Variants in SYT16 observed in about 807,000 individuals in gnomAD.
SYT16 encodes synaptotagmin-16.
In SYT16, 42 loss-of-function variants were observed where a neutral mutation model predicts 61.4. The ratio of observed to expected loss-of-function variants is 0.68; its 90% CI spans 0.53 to 0.89. The LOEUF (loss-of-function observed/expected upper bound fraction) is 0.89, where lower values mean the gene tolerates loss of function less well. SYT16 is among the 40% of genes least tolerant of loss of function. The probability of loss-of-function intolerance (pLI) is 0.00; values close to 1 mark genes in which losing one functional copy is unlikely to be tolerated. For missense variants in SYT16, 804 were observed against 807.3 expected (o/e 1.00, Z 0.05); for synonymous variants, 314 against 302.3 (o/e 1.04, Z -0.40).
At chr14:62,091,171 T>G (rs999445413) in intron 7 of SYT16, among the ~76,000 whole-genome samples, 2 of 152,174 alleles carry the variant, frequency 1.3e-5, no homozygotes, top group African/African-American at 4.8e-5. Context: ...GAGGACAGAC[T>G]TTTTAACAAC....
intron 1 of SYT16, among the ~76,000 whole-genome samples, chr14:61,958,132 A>C (rs1382812130): frequency 6.6e-6 from 1 of 151,572 alleles, no homozygotes; most frequent in East Asian, 1.9e-4. Context: ...TTCAGTTGTA[A>C]TATCTTCCCT....
intron 1 of SYT16, among the ~76,000 whole-genome samples, chr14:61,948,927 C>A (rs766291710): frequency 5.9e-5 from 9 of 152,012 alleles, no homozygotes; most frequent in Non-Finnish European, 7.4e-5. Context: ...CTAGCTCTTC[C>A]CAGAGGTTTG....
At chr14:62,067,686 A>T (rs1402477731) in intron 3 of SYT16, among the ~76,000 whole-genome samples, 1 of 152,204 alleles carries the variant, frequency 6.6e-6, no homozygotes, top group East Asian at 1.9e-4. Context: ...GTTATGGAAA[A>T]CAGTATAGAG....
chr14:61,814,291 G>GA (rs34500721), intron 1 of SYT16, among the ~76,000 whole-genome samples: 1,639 of 151,862 alleles, frequency 0.011, 32 homozygotes, highest in African/African-American at 0.033. Context: ...TGTGTGTTTA[G>GA]AAAAAAAATT....
intron 1 of SYT16, among the ~76,000 whole-genome samples, chr14:61,912,269 G>C (rs1270175555): frequency 6.6e-6 from 1 of 152,186 alleles, no homozygotes; most frequent in African/African-American, 2.4e-5. Flanking sequence ...GGGGGAACAC[G>C]TGGGCTTCTT....
chr14:62,002,559 C>T (rs2140661468), intron 3 of SYT16, among the ~76,000 whole-genome samples: 1 of 152,176 alleles, frequency 6.6e-6, no homozygotes, highest in South Asian at 2.1e-4. Context: ...CGGTCTTAGG[C>T]AATTGCTGTG....
At chr14:61,931,847 C>A (rs1189437746) in intron 1 of SYT16, among the ~76,000 whole-genome samples, 1 of 152,118 alleles carries the variant, frequency 6.6e-6, no homozygotes, top group African/African-American at 2.4e-5. Flanking sequence ...GTGTGCTGCA[C>A]CCATTAGAAT....
At chr14:62,019,678 G>A (rs1180177285) in intron 3 of SYT16, among the ~76,000 whole-genome samples, 2 of 152,280 alleles carry the variant, frequency 1.3e-5, no homozygotes, top group Admixed American at 6.5e-5. Flanking sequence ...CATGGGGTAC[G>A]TTTGCAAACA....
intron 3 of SYT16, among the ~76,000 whole-genome samples, chr14:62,068,002 A>G (rs2056132793): frequency 6.6e-6 from 1 of 152,142 alleles, no homozygotes; most frequent in South Asian, 2.1e-4. Context: ...AAGAAAAAAA[A>G]TTAATAATAT....
At chr14:61,846,514 C>G (rs2046450872) in intron 1 of SYT16, among the ~76,000 whole-genome samples, 1 of 152,046 alleles carries the variant, frequency 6.6e-6, no homozygotes. Flanking sequence ...CATGGAATAT[C>G]TTTTTCCATC....
At chr14:62,016,740 A>C (rs187278816) in intron 3 of SYT16, among the ~76,000 whole-genome samples, 1 of 152,138 alleles carries the variant, frequency 6.6e-6, no homozygotes, top group East Asian at 1.9e-4. Context: ...AAGTTATGGC[A>C]TTGCTTATAA....
At chr14:61,866,069 T>A (rs543590950) in intron 1 of SYT16, among the ~76,000 whole-genome samples, 4 of 152,300 alleles carry the variant, frequency 2.6e-5, no homozygotes, top group African/African-American at 9.6e-5. Flanking sequence ...AGAAAGTGGG[T>A]CATTCTATTT....
rs2057472052 is a variant in SYT16, at chr14:62,104,158, G to A, written c.*3451G>A. The A allele has an allele frequency of 6.6e-6, 1 of 152,194 alleles. No homozygotes were observed. Among genetic ancestry groups the A allele is most frequent in the African/African-American group, 2.4e-5 (1 of 41,452 alleles). The allele number at this position is 152,194 out of a possible 1,614,324, so 9.4% of individuals were successfully genotyped here. A position where few individuals can be genotyped will look rare whatever the true frequency, so the allele number is the denominator to read the frequency against. ...CCAATTTGATTTAATTGATGATTCG[G>A]TGTGGACACCACTGTGGGTTTCCAA... On this transcript the variant is annotated 3_prime_UTR_variant, in exon 8 of 8. Coordinates refer to ENST00000683842, the MANE Select transcript of SYT16 (RefSeq NM_001367656.1).
At position 62,100,551 on chromosome 14, in the gene SYT16, C is replaced by T. The variant is rs754789923; in HGVS notation, c.1782C>T (p.Ser594=). The T allele has an allele frequency of 9.9e-6, 16 of 1,613,672 alleles. No homozygotes were observed. The highest frequency in any genetic ancestry group is 7.7e-5 in the South Asian group (7 of 91,074). ...TGTCTGATGTCACGTTGATGATTTC[C>T]GTTTATAACAGGCGTACTATGAAGC... ...FQLSDVTLMI[S]VYNRRTMKRK... The change falls in exon 8 of 8, where the codon TCC becomes TCT. Residue 594 remains serine (S), a synonymous_variant. Transcript: ENST00000683842.
At chr14:61,888,737 G>A (rs1374728589) in intron 1 of SYT16, among the ~76,000 whole-genome samples, 3 of 147,360 alleles carry the variant, frequency 2.0e-5, no homozygotes, top group Non-Finnish European at 1.5e-5. Flanking sequence ...ATACACTTGC[G>A]CAATGCAGGG....
intron 1 of SYT16, among the ~76,000 whole-genome samples, chr14:61,828,122 C>T (rs563154096): frequency 6.6e-6 from 1 of 152,274 alleles, no homozygotes; most frequent in East Asian, 1.9e-4. Flanking sequence ...AGATGGCCGC[C>T]TACAAGCCAA....
chr14:62,006,454 A>G (rs1313239385), intron 3 of SYT16, among the ~76,000 whole-genome samples: 3 of 152,126 alleles, frequency 2.0e-5, no homozygotes, highest in Non-Finnish European at 2.9e-5. Flanking sequence ...TCTTGATTTT[A>G]TGTTTCTTAA....
intron 1 of SYT16, among the ~76,000 whole-genome samples, chr14:61,885,739 G>T (rs376821814): frequency 6.6e-6 from 1 of 152,134 alleles, no homozygotes; most frequent in Non-Finnish European, 1.5e-5. Context: ...TTCTCAGTGC[G>T]TATAAAAGTT....
Position 62,069,915 on chromosome 14 carries a change from A to G in SYT16, c.736+100A>G. 3.7e-6 allele frequency: 5 copies of G among 1,344,632 alleles called. No individual in the cohort carries two copies. The Admixed American group carries it at 1.0e-4, about 28-fold the overall frequency. 83.3% of individuals were successfully genotyped at this position (1,344,632 alleles called of 1,614,324 possible). A position where few individuals can be genotyped will look rare whatever the true frequency, so the allele number is the denominator to read the frequency against. ...CTGCACTCTGCATCTGAGAGTCCAGAGAGGAAAAGAAAATGAGGCAGGATG... is the reference window on the plus strand; with the variant it reads ...CTGCACTCTGCATCTGAGAGTCCAGGGAGGAAAAGAAAATGAGGCAGGATG... On this transcript the variant is annotated intron_variant, in intron 4 of 7. Coordinates refer to ENST00000683842, the MANE Select transcript of SYT16 (RefSeq NM_001367656.1).
Sources: allele counts gnomAD v4.1 joint callset (sites outside exome capture counted in the v4.1 genomes callset), GRCh38; gene constraint gnomAD v4.1.1; transcripts MANE v1.5; gene names NCBI Gene and HGNC (gene_info 2026-07-23, HGNC 2026-07-21).